Variants in TCF7L1 observed in about 807,000 individuals in gnomAD.
TCF7L1 encodes the protein transcription factor 7-like 1.
Under a neutral mutation model 63.7 loss-of-function variants are expected in TCF7L1, and 18 were observed. That is an observed-to-expected ratio of 0.28 (90% CI 0.20 to 0.42). TCF7L1 has a LOEUF of 0.42. TCF7L1 is among the 10% of genes least tolerant of loss of function. The pLI is 1.00. For missense variants in TCF7L1, 654 were observed against 779.3 expected (o/e 0.84, Z 1.91); for synonymous variants, 355 against 340.9 (o/e 1.04, Z -0.46).
intron 3 of TCF7L1, among the ~76,000 whole-genome samples, chr2:85,188,870 G>A (rs1475125024): frequency 3.9e-5 from 6 of 152,160 alleles, no homozygotes; most frequent in African/African-American, 1.2e-4. Flanking sequence ...CTAACTCCGG[G>A]TTGGGAAGCC....
chr2:85,269,270 T>C lies in TCF7L1; in HGVS notation c.442-14225T>C, dbSNP rs1050798832. ...CATAATCTTTGCCACATACCACCTA[T>C]ACTATTTACATAATTATTTTTCTTT... On this transcript the variant is annotated intron_variant, in intron 3 of 11. Coordinates refer to ENST00000282111, the MANE Select transcript of TCF7L1 (RefSeq NM_031283.3). Among the ~76,000 whole-genome samples the C allele has an allele frequency of 1.8e-4, 27 of 152,316 alleles. 1 individual carries two copies. The highest frequency in any genetic ancestry group is 3.9e-4 in the Admixed American group (6 of 15,292).
intron 4 of TCF7L1, among the ~76,000 whole-genome samples, chr2:85,284,375 C>T (rs1681493506): frequency 6.6e-6 from 1 of 152,172 alleles, no homozygotes; most frequent in African/African-American, 2.4e-5. Context: ...AACAAATGCT[C>T]CTCAGGGCAG....
intron 11 of TCF7L1, among the ~76,000 whole-genome samples, chr2:85,308,442 T>TTCCTTTCTCCTTCCCTCCCA (rs1558663496): frequency 1.4e-5 from 1 of 71,812 alleles, no homozygotes; most frequent in Non-Finnish European, 2.5e-5. Context: ...TCTCCCTCCC[T>TTCCTTTCTCCTTCCCTCCCA]TTCTCTTTCC....
chr2:85,232,748 G>T (rs1287122101), intron 3 of TCF7L1, among the ~76,000 whole-genome samples: 1 of 152,066 alleles, frequency 6.6e-6, no homozygotes, highest in Non-Finnish European at 1.5e-5. Flanking sequence ...AATCCCGGTT[G>T]TCATTAGAAT....
chr2:85,222,369 A>G (rs1679864598), intron 3 of TCF7L1, among the ~76,000 whole-genome samples: 2 of 149,194 alleles, frequency 1.3e-5, no homozygotes, highest in South Asian at 4.2e-4. Flanking sequence ...ACAAACAAAA[A>G]AAAAAACACT....
At chr2:85,290,899 G>A (rs900335756) in intron 4 of TCF7L1, among the ~76,000 whole-genome samples, 1 of 152,224 alleles carries the variant, frequency 6.6e-6, no homozygotes, top group Non-Finnish European at 1.5e-5. Flanking sequence ...CCACCAGGAT[G>A]GGAGCTGGGA....
At chr2:85,264,247 C>A (rs532217132) in intron 3 of TCF7L1, among the ~76,000 whole-genome samples, 2 of 152,176 alleles carry the variant, frequency 1.3e-5, no homozygotes, top group Non-Finnish European at 2.9e-5. Flanking sequence ...CAGCGTGTAT[C>A]TGAGTGACTA....
intron 3 of TCF7L1, among the ~76,000 whole-genome samples, chr2:85,154,476 T>G (rs1306049448): frequency 1.3e-5 from 2 of 152,184 alleles, no homozygotes; most frequent in Non-Finnish European, 2.9e-5. Context: ...GAGTGTATTA[T>G]GCAGGATTCC....
At chr2:85,163,864 A>G (rs949728699) in intron 3 of TCF7L1, among the ~76,000 whole-genome samples, 2 of 152,118 alleles carry the variant, frequency 1.3e-5, no homozygotes, top group African/African-American at 4.8e-5. Context: ...TAGCAGTCCA[A>G]TTGGATTAGG....
chr2:85,222,216 C>T (rs1292226359), intron 3 of TCF7L1, among the ~76,000 whole-genome samples: 2 of 152,094 alleles, frequency 1.3e-5, no homozygotes, highest in Non-Finnish European at 2.9e-5. Context: ...TGGCGCACGC[C>T]TGTAATCCCA....
intron 3 of TCF7L1, among the ~76,000 whole-genome samples, chr2:85,278,595 A>G (rs1681337430): frequency 6.6e-6 from 1 of 152,236 alleles, no homozygotes; most frequent in Non-Finnish European, 1.5e-5. Flanking sequence ...GCCGAGAGAA[A>G]AATGCAACAA....
At chr2:85,282,886 G>GA (rs1340857482) in intron 3 of TCF7L1, among the ~76,000 whole-genome samples, 1 of 150,294 alleles carries the variant, frequency 6.7e-6, no homozygotes, top group Admixed American at 6.7e-5. Context: ...ACTGACATGA[G>GA]AAAGAATGGG....
intron 3 of TCF7L1, among the ~76,000 whole-genome samples, chr2:85,231,805 G>A (rs1350605435): frequency 6.6e-6 from 1 of 152,136 alleles, no homozygotes; most frequent in Non-Finnish European, 1.5e-5. Flanking sequence ...TGTGTTGGTG[G>A]GTTTATCTCT....
intron 3 of TCF7L1, among the ~76,000 whole-genome samples, chr2:85,266,729 A>G (rs373382297): frequency 9.2e-5 from 14 of 152,238 alleles, no homozygotes; most frequent in African/African-American, 3.4e-4. Flanking sequence ...CAATAATACA[A>G]GTATTCTTTT....
chr2:85,147,462 T>C (rs1677907624), intron 3 of TCF7L1, among the ~76,000 whole-genome samples: 1 of 151,720 alleles, frequency 6.6e-6, no homozygotes, highest in African/African-American at 2.4e-5. Flanking sequence ...ATGAGGGCAG[T>C]GGTAGGGCGC....
At chr2:85,245,231 T>C (rs567452172) in intron 3 of TCF7L1, among the ~76,000 whole-genome samples, 56 of 152,176 alleles carry the variant, frequency 3.7e-4, no homozygotes, top group African/African-American at 1.3e-3. Context: ...TCTGAGAAGA[T>C]TGGTGTAATC....
intron 3 of TCF7L1, among the ~76,000 whole-genome samples, chr2:85,168,492 T>C (rs1042168019): frequency 6.6e-6 from 1 of 151,990 alleles, no homozygotes; most frequent in Non-Finnish European, 1.5e-5. Context: ...TCAGGTGGTG[T>C]GGGGGTGTCG....
At chr2:85,212,029 G>T (rs971374186) in intron 3 of TCF7L1, among the ~76,000 whole-genome samples, 22 of 137,206 alleles carry the variant, frequency 1.6e-4, no homozygotes, top group African/African-American at 5.6e-4. Flanking sequence ...GGCAGAGGTT[G>T]CAGTGAGCTG....
intron 3 of TCF7L1, among the ~76,000 whole-genome samples, chr2:85,276,380 G>A (rs534284266): frequency 8.5e-5 from 13 of 152,330 alleles, no homozygotes; most frequent in African/African-American, 2.4e-4. Flanking sequence ...AGAAGCAGGC[G>A]TTGCCCATGA....
Sources: allele counts gnomAD v4.1 joint callset (sites outside exome capture counted in the v4.1 genomes callset), GRCh38; gene constraint gnomAD v4.1.1; transcripts MANE v1.5; gene names NCBI Gene and HGNC (gene_info 2026-07-23, HGNC 2026-07-21).